The following HM13 variants were observed in gnomAD, a reference collection of about 807,000 sequenced individuals.
The protein encoded by HM13 is histocompatibility minor 13, also known as signal peptide peptidase.
Under a neutral mutation model 50.0 loss-of-function variants are expected in HM13, and 18 were observed. The observed-to-expected ratio is 0.36, with a 90% CI of 0.25 to 0.53. The LOEUF (loss-of-function observed/expected upper bound fraction) is 0.53, where lower values mean the gene tolerates loss of function less well. Ranked by LOEUF, HM13 falls within the 20% of genes least tolerant of loss-of-function variation. The probability of loss-of-function intolerance (pLI) is 0.90; values close to 1 mark genes in which losing one functional copy is unlikely to be tolerated. For synonymous variants in HM13, 197 were observed against 232.6 expected (o/e 0.85, Z 1.39); for missense variants, 393 against 552.4 (o/e 0.71, Z 2.89).
intron 4 of HM13, chr20:31,548,101 T>G: frequency 8.4e-7 from 1 of 1,187,358 alleles, no homozygotes; most frequent in Non-Finnish European, 1.3e-6. Context: ...GATTGTGTCG[T>G]ATGTGTGTTT....
At position 31,569,369 on chromosome 20, in the gene HM13, C is replaced by A. The variant is rs546067363; in HGVS notation, c.*150C>A. ...GATACCTCCAGCCAGGCCTCTGTGG[C>A]CTCTGTTTCCTTCTCCCTTTCTTGG... On this transcript the variant is annotated 3_prime_UTR_variant, in exon 13 of 13. Transcript: ENST00000398174. 13 of 524,172 alleles carry A rather than the reference C, an allele frequency of 2.5e-5. No homozygotes were observed. Among genetic ancestry groups the A allele is most frequent in the Non-Finnish European group, 3.9e-5 (11 of 284,976 alleles). The allele number at this position is 524,172 out of a possible 1,614,324, so 32.5% of individuals were successfully genotyped here.
At chr20:31,550,788 G>A (rs1984000232) in intron 7 of HM13, among the ~76,000 whole-genome samples, 1 of 152,050 alleles carries the variant, frequency 6.6e-6, no homozygotes, top group African/African-American at 2.4e-5. Flanking sequence ...GACCAGCCTG[G>A]GTAACAGCAA....
Position 31,530,212 on chromosome 20 carries a change from C to T in HM13, c.282+2630C>T, listed in dbSNP as rs752254439. On this transcript the variant is annotated intron_variant, in intron 2 of 12. Transcript: ENST00000398174. The stretch of plus-strand genomic sequence containing the variant: ...CAGCCTAGGCAACAGAGCAAAACTC[C>T]GTCTCAAAAAAAGAAATATTTTTTT... 7.2e-5 allele frequency among the ~76,000 whole-genome samples: 11 copies of T among 151,882 alleles called. No homozygotes were observed. The South Asian group carries it at 8.3e-4, about 11-fold the overall frequency.
At position 31,569,536 on chromosome 20, in the gene HM13, C is replaced by A; in HGVS notation, c.*317C>A. 1 of 220,468 alleles carries A rather than the reference C, an allele frequency of 4.5e-6. No individual in the cohort carries two copies. Among genetic ancestry groups the A allele is most frequent in the Non-Finnish European group, 9.1e-6 (1 of 109,986 alleles). 13.7% of individuals were successfully genotyped at this position (220,468 alleles called of 1,614,324 possible). On this transcript the variant is annotated 3_prime_UTR_variant, in exon 13 of 13. Coordinates refer to ENST00000398174, the MANE Select transcript of HM13 (RefSeq NM_178581.3). ...TTTGCCTCACATTAAAAACTCATCC[C>A]ATGGCCAGGGCGGGCCACTGTGCTC... is the stretch of plus-strand genomic sequence containing the variant.
intron 2 of HM13, among the ~76,000 whole-genome samples, chr20:31,537,048 G>A (rs73906269): frequency 0.013 from 1,951 of 152,318 alleles, 36 homozygotes; most frequent in African/African-American, 0.044. Context: ...ATTACTGAGG[G>A]GTTATTGTCT....
chr20:31,522,241 A>G (rs1982209614), intron 1 of HM13, among the ~76,000 whole-genome samples: 2 of 152,142 alleles, frequency 1.3e-5, no homozygotes, highest in Non-Finnish European at 2.9e-5. Flanking sequence ...TTTCTGCCTG[A>G]TAAGCACTTC....
chr20:31,531,691 T>G (rs141831802), intron 2 of HM13, among the ~76,000 whole-genome samples: 5 of 152,292 alleles, frequency 3.3e-5, no homozygotes, highest in African/African-American at 1.2e-4. Flanking sequence ...CCTCCCAGGT[T>G]CAAGCAATTC....
intron 1 of HM13, among the ~76,000 whole-genome samples, chr20:31,525,137 C>T (rs1982412407): frequency 6.6e-6 from 1 of 152,166 alleles, no homozygotes; most frequent in Non-Finnish European, 1.5e-5. Context: ...TATGTATTTC[C>T]TTTAGCCAGG....
chr20:31,554,991 A>T (rs747187198), intron 8 of HM13, among the ~76,000 whole-genome samples, 162 bp downstream of exon 8: 2 of 152,256 alleles, frequency 1.3e-5, no homozygotes, highest in Non-Finnish European at 2.9e-5. Flanking sequence ...ACATCCGTTT[A>T]CGGAGGGCCA....
intron 7 of HM13, among the ~76,000 whole-genome samples, chr20:31,554,284 C>T (rs1221102173): frequency 6.6e-6 from 1 of 151,962 alleles, no homozygotes; most frequent in Non-Finnish European, 1.5e-5. Flanking sequence ...ATCACTTGAG[C>T]CTAGGAGACA....
At chr20:31,515,889 T>C (rs1981745149) in intron 1 of HM13, among the ~76,000 whole-genome samples, 1 of 152,186 alleles carries the variant, frequency 6.6e-6, no homozygotes, top group East Asian at 1.9e-4. Context: ...GTGGAAGTCT[T>C]GCCCAAAGAG....
chr20:31,544,344 G>A (rs997290690), intron 3 of HM13, among the ~76,000 whole-genome samples: 2 of 152,232 alleles, frequency 1.3e-5, no homozygotes, highest in Non-Finnish European at 2.9e-5. Context: ...AATGCTTCTA[G>A]AGACGAGGCC....
rs1297701190 is a variant in HM13, at chr20:31,539,174, A to G, written c.365+913A>G. ...TTTATTTTGGACAGGCCAGTTCTCC[A>G]TTCTGCAGGACTATCCCATGTATTA... On this transcript the variant is annotated intron_variant, in intron 3 of 12. Transcript: ENST00000398174. 6.1e-6 allele frequency: 6 copies of G among 985,342 alleles called. No homozygotes were observed. In the African/African-American group the frequency reaches 1.0e-4, roughly 17 times the overall value. The allele number at this position is 985,342 out of a possible 1,614,324, so 61.0% of individuals were successfully genotyped here.
rs1017753291 is a variant in HM13 at position 31,538,681 on chromosome 20, G to C, written c.365+420G>C. On this transcript the variant is annotated intron_variant, in intron 3 of 12. Coordinates refer to ENST00000398174, the MANE Select transcript of HM13 (RefSeq NM_178581.3). ...GGCAGCATAGTGAAAAGTTAGGAGC[G>C]TGGGCTCTGGCATTTGACTACCTTA... is the stretch of plus-strand genomic sequence containing the variant. The C allele has an allele frequency of 1.1e-5, 12 of 1,085,212 alleles. No homozygotes were observed. In the South Asian group the frequency reaches 4.4e-4, roughly 40 times the overall value. 67.2% of individuals were successfully genotyped at this position (1,085,212 alleles called of 1,614,324 possible).
At chr20:31,526,654 T>C (rs924014862) in intron 1 of HM13, among the ~76,000 whole-genome samples, 4 of 152,236 alleles carry the variant, frequency 2.6e-5, no homozygotes, top group African/African-American at 9.6e-5. Flanking sequence ...ATAAATTTAA[T>C]TGTGGCTTTT....
chr20:31,556,036 C>CT (rs561024148), intron 8 of HM13, among the ~76,000 whole-genome samples: 36,322 of 137,930 alleles, frequency 0.26, 7,075 homozygotes, highest in African/African-American at 0.55. Flanking sequence ...ATTATTTCTC[C>CT]TTTTTTTTTT....
chr20:31,547,054 T>C (rs73233662), intron 4 of HM13, among the ~76,000 whole-genome samples: 2,521 of 152,306 alleles, frequency 0.017, 83 homozygotes, highest in African/African-American at 0.058. Context: ...ATCACTCCAC[T>C]GTCCAGCCAG....
At chr20:31,549,454 G>A in intron 6 of HM13, 122 bp downstream of exon 6, 1 of 1,274,450 alleles carries the variant, frequency 7.8e-7, no homozygotes, top group Admixed American at 1.8e-5. Flanking sequence ...TGAAGTTCCG[G>A]ACCGCAGAGC....
chr20:31,538,116 T>C, intron 2 of HM13, 63 bp from the exon 3 acceptor site: 1 of 1,592,760 alleles, frequency 6.3e-7, no homozygotes, highest in South Asian at 1.1e-5. Flanking sequence ...ACGCAGGGAC[T>C]CTGGTTTCCT....
Sources: gnomAD v4.1 joint callset for allele counts (sites outside exome capture counted in the v4.1 genomes callset) on GRCh38, gnomAD v4.1.1 for gene constraint, MANE v1.5 for transcripts, NCBI Gene and HGNC (gene_info 2026-07-23, HGNC 2026-07-21) for gene names.